The following FAM120A variants were observed in gnomAD, a reference collection of about 807,000 sequenced individuals.
FAM120A encodes the protein constitutive coactivator of PPAR-gamma-like protein 1.
In FAM120A, 15 loss-of-function variants were observed where a neutral mutation model predicts 109.7. The ratio of observed to expected loss-of-function variants is 0.14; its 90% CI spans 0.09 to 0.21. The LOEUF (loss-of-function observed/expected upper bound fraction) is 0.21. FAM120A is among the 10% of genes least tolerant of loss of function. The pLI is 1.00. For missense variants in FAM120A, 899 were observed against 1,439.3 expected (o/e 0.62, Z 6.07); for synonymous variants, 493 against 572.8 (o/e 0.86, Z 1.99).
In FAM120A at chr9:93,529,205, T is replaced by G. The variant is rs1413633888; in HGVS notation, c.1507-148T>G. 4 of 639,898 alleles carry G rather than the reference T, an allele frequency of 6.3e-6. No individual in the cohort carries two copies. The African/African-American group carries it at 7.3e-5, about 12-fold the overall frequency. 39.6% of individuals were successfully genotyped at this position (639,898 alleles called of 1,614,324 possible). A position where few individuals can be genotyped will look rare whatever the true frequency, so the allele number is the denominator to read the frequency against. On this transcript the variant is annotated intron_variant, in intron 8 of 17. Transcript: ENST00000277165. ...AGAGTGCTCTCTGTTTCCTCTGTCT[T>G]TAGGGTGGCACCAAATCTGGTCTCT...
intron 11 of FAM120A, among the ~76,000 whole-genome samples, chr9:93,547,134 A>G (rs749694173): frequency 8.5e-5 from 13 of 152,204 alleles, no homozygotes; most frequent in South Asian, 2.1e-4. Context: ...GTGAGGGTGC[A>G]GGCTGAGGGC....
Position 93,564,727 on chromosome 9 carries a change from A to T in FAM120A, c.*187A>T. On this transcript the variant is annotated 3_prime_UTR_variant, in exon 18 of 18. Transcript: ENST00000277165. ...CACATTTTTAGTTTTAACCAGTTGTAGTCAAAATGCTACAATAAAACAAAA... is the reference window on the plus strand; with the variant it reads ...CACATTTTTAGTTTTAACCAGTTGTTGTCAAAATGCTACAATAAAACAAAA... 4.0e-6 allele frequency: 2 copies of T among 501,576 alleles called. No homozygotes were observed. The highest frequency in any genetic ancestry group is 1.9e-5 in the African/African-American group (1 of 51,716). The allele number at this position is 501,576 out of a possible 1,614,324, so 31.1% of individuals were successfully genotyped here.
chr9:93,453,583 A>T, intron 1 of FAM120A: 1 of 985,400 alleles, frequency 1.0e-6, no homozygotes, highest in South Asian at 4.7e-5. Flanking sequence ...GTTAAGCCTA[A>T]AATGATAGCG....
At chr9:93,540,191 T>A (rs1221936963) in intron 10 of FAM120A, among the ~76,000 whole-genome samples, 1 of 152,206 alleles carries the variant, frequency 6.6e-6, no homozygotes, top group African/African-American at 2.4e-5. Context: ...TTCCCTCTTA[T>A]CCCAGCCCTA....
intron 15 of FAM120A, among the ~76,000 whole-genome samples, chr9:93,560,888 G>T (rs991247791): frequency 6.6e-6 from 1 of 152,272 alleles, no homozygotes; most frequent in Non-Finnish European, 1.5e-5. Flanking sequence ...CACATTTGCA[G>T]TTGTAACCTA....
At chr9:93,467,844 A>C (rs771064349) in intron 1 of FAM120A, among the ~76,000 whole-genome samples, 1 of 151,910 alleles carries the variant, frequency 6.6e-6, no homozygotes, top group Non-Finnish European at 1.5e-5. Flanking sequence ...TAATTATGAA[A>C]AGCCCCACAT....
chr9:93,521,811 G>A (rs1165020936), intron 7 of FAM120A, among the ~76,000 whole-genome samples: 2 of 152,190 alleles, frequency 1.3e-5, no homozygotes, highest in Non-Finnish European at 2.9e-5. Flanking sequence ...GTTGAGGCCG[G>A]GTGCAATGGC....
intron 3 of FAM120A, among the ~76,000 whole-genome samples, chr9:93,483,715 C>T (rs1858919615): frequency 1.3e-5 from 2 of 152,116 alleles, no homozygotes; most frequent in Admixed American, 1.3e-4. Flanking sequence ...TCATCATTGT[C>T]ACCATCATCA....
At chr9:93,555,887 A>G (rs1245097624) in intron 12 of FAM120A, among the ~76,000 whole-genome samples, 4 of 152,248 alleles carry the variant, frequency 2.6e-5, no homozygotes, top group African/African-American at 9.6e-5. Context: ...GTATAAATTT[A>G]TTTTAGAATG....
intron 3 of FAM120A, among the ~76,000 whole-genome samples, chr9:93,491,315 C>T (rs755137385): frequency 3.9e-5 from 6 of 152,176 alleles, no homozygotes; most frequent in Non-Finnish European, 5.9e-5. Context: ...GGGGCACCAC[C>T]GCTCATGGAT....
intron 1 of FAM120A, among the ~76,000 whole-genome samples, chr9:93,468,311 G>A (rs1048422942): frequency 2.0e-5 from 3 of 152,214 alleles, no homozygotes; most frequent in African/African-American, 4.8e-5. Context: ...AACTGGGGCA[G>A]TTTTTAATTT....
intron 3 of FAM120A, among the ~76,000 whole-genome samples, chr9:93,494,801 C>T (rs1859497631): frequency 6.6e-6 from 1 of 152,102 alleles, no homozygotes; most frequent in South Asian, 2.1e-4. Flanking sequence ...CATTTGGAAC[C>T]CTCAAGCAGG....
At chr9:93,522,777 T>C (rs1174764434) in intron 7 of FAM120A, among the ~76,000 whole-genome samples, 2 of 152,244 alleles carry the variant, frequency 1.3e-5, no homozygotes, top group African/African-American at 4.8e-5. Context: ...TGTAGTGTTA[T>C]GGAGGCATCT....
At chr9:93,504,862 C>T (rs2131370851) in intron 5 of FAM120A, among the ~76,000 whole-genome samples, 1 of 152,244 alleles carries the variant, frequency 6.6e-6, no homozygotes, top group South Asian at 2.1e-4. Context: ...ATTTATTCTC[C>T]TGGCAGAAGT....
At chr9:93,458,068 T>C (rs952788097) in intron 1 of FAM120A, among the ~76,000 whole-genome samples, 1 of 152,168 alleles carries the variant, frequency 6.6e-6, no homozygotes, top group African/African-American at 2.4e-5. Flanking sequence ...AGCCTCACTG[T>C]CCTCAAACAC....
At chr9:93,550,484 A>G (rs573564007) in intron 11 of FAM120A, 93 bp from the exon 12 acceptor site, 25 of 866,080 alleles carry the variant, frequency 2.9e-5, no homozygotes, top group South Asian at 1.3e-4. Flanking sequence ...AGCTCACATC[A>G]TCCGGGATTT....
intron 7 of FAM120A, chr9:93,523,202 C>G: frequency 1.8e-6 from 1 of 568,628 alleles, no homozygotes; most frequent in Non-Finnish European, 2.8e-6. Flanking sequence ...TCCCTTTGAT[C>G]TGGTATCCCA....
At chr9:93,504,077 G>A (rs1057474728) in intron 5 of FAM120A, among the ~76,000 whole-genome samples, 7 of 152,166 alleles carry the variant, frequency 4.6e-5, no homozygotes, top group African/African-American at 1.7e-4. Context: ...TGATTGATTA[G>A]ATTATTGTTG....
chr9:93,538,773 A>T lies in FAM120A; in HGVS notation c.1910-4449A>T, dbSNP rs1325167580. On this transcript the variant is annotated intron_variant, in intron 10 of 17. Coordinates refer to ENST00000277165, the MANE Select transcript of FAM120A (RefSeq NM_014612.5). ...CCATGTATATTATTCCTGGGCTAGG[A>T]TAGATCCCAAAGTCAGCATTATAAC... 2.0e-5 allele frequency among the ~76,000 whole-genome samples: 3 copies of T among 152,208 alleles called. No homozygotes were observed. In the East Asian group the frequency reaches 5.8e-4, roughly 29 times the overall value.
Sources: gnomAD v4.1 joint callset for allele counts (sites outside exome capture counted in the v4.1 genomes callset) on GRCh38, gnomAD v4.1.1 for gene constraint, MANE v1.5 for transcripts, NCBI Gene and HGNC (gene_info 2026-07-23, HGNC 2026-07-21) for gene names.